SMARCA5: variants seen among roughly 807,000 people sequenced by gnomAD.
The protein encoded by SMARCA5 is SWI/SNF-related matrix-associated actin-dependent regulator of chromatin subfamily A member 5.
A neutral mutation model predicts 140.4 loss-of-function variants in SMARCA5; 18 were observed. The observed-to-expected ratio is 0.13, with a 90% CI of 0.09 to 0.19. SMARCA5 has a LOEUF of 0.19. Among genes scored for constraint, SMARCA5 ranks in the 10% least tolerant of loss-of-function variants. The pLI, the probability that SMARCA5 is intolerant of heterozygous loss-of-function variation, is 1.00. For missense variants in SMARCA5, 606 were observed against 1,276.8 expected, an observed-to-expected ratio of 0.47 and a Z score of 8.01; for synonymous variants, 449 against 419.6, an observed-to-expected ratio of 1.07 and a Z score of -0.86.
intron 23 of SMARCA5, among the ~76,000 whole-genome samples, chr4:143,550,580 T>G (rs901941564): frequency 6.6e-6 from 1 of 151,956 alleles, no homozygotes; most frequent in African/African-American, 2.4e-5. Context: ...AGCCCCACTT[T>G]CCCCCACCCC....
At chr4:143,539,867 A>G (rs1737394268) in intron 13 of SMARCA5, among the ~76,000 whole-genome samples, 2 of 152,164 alleles carry the variant, frequency 1.3e-5, no homozygotes, top group Admixed American at 6.5e-5. Flanking sequence ...TACTCTTACT[A>G]AGGGTGACAG....
In SMARCA5 at chr4:143,521,414, ATT is replaced by A. The variant is rs553049246; in HGVS notation, c.253-5_253-4del. 13 of 1,292,778 alleles carry A rather than the reference ATT, an allele frequency of 1.0e-5. No individual in the cohort carries two copies. The highest frequency in any genetic ancestry group is 4.2e-5 in the Admixed American group (2 of 47,108). 80.1% of individuals were successfully genotyped at this position (1,292,778 alleles called of 1,614,324 possible). On this transcript the variant is annotated splice_polypyrimidine_tract_variant and intron_variant, in intron 2 of 23. Coordinates refer to ENST00000283131, the MANE Select transcript of SMARCA5 (RefSeq NM_003601.4). Reference sequence around the variant, plus strand: ...GATACTCTGATAAAATGTATCTTAAATTTTTTTTTTTCAGCAAACTGACCGGG... The same window carrying A: ...GATACTCTGATAAAATGTATCTTAAATTTTTTTTTCAGCAAACTGACCGGG...
At chr4:143,550,150 C>A in intron 23 of SMARCA5, 46 bp downstream of exon 23, 1 of 1,132,698 alleles carries the variant, frequency 8.8e-7, no homozygotes. Flanking sequence ...GTAAATTTCC[C>A]CTTTCTAAGT....
At position 143,543,597 on chromosome 4, in the gene SMARCA5, A is replaced by G; in HGVS notation, c.1992A>G (p.Ser664=). The G allele has an allele frequency of 6.2e-7, 1 of 1,613,230 alleles. No individual in the cohort carries two copies. The highest frequency in any genetic ancestry group is 8.5e-7 in the Non-Finnish European group (1 of 1,179,390). Residue 664 remains serine, a synonymous_variant, in exon 15 of 24, where the codon TCA becomes TCG. Transcript: ENST00000283131. ...IRHGATHVFA[S]KESEITDEDI... Reference sequence around the variant, plus strand: ...ATGGAGCAACACATGTGTTTGCTTCAAAGGAAAGTGAGATCACTGATGAAG... The same window carrying G: ...ATGGAGCAACACATGTGTTTGCTTCGAAGGAAAGTGAGATCACTGATGAAG...
intron 23 of SMARCA5, among the ~76,000 whole-genome samples, chr4:143,551,294 A>T (rs920726540): frequency 6.6e-6 from 1 of 151,942 alleles, no homozygotes; most frequent in Non-Finnish European, 1.5e-5. Context: ...GAGCTCTTAC[A>T]TATTCTGGTT....
intron 9 of SMARCA5, among the ~76,000 whole-genome samples, chr4:143,533,934 T>C (rs1009018499): frequency 1.3e-5 from 2 of 152,198 alleles, no homozygotes; most frequent in Non-Finnish European, 2.9e-5. Context: ...CACATCTCAT[T>C]ACCCTTTGCA....
At chr4:143,548,201 T>C (rs967053337) in intron 22 of SMARCA5, 61 bp downstream of exon 22, 12 of 1,004,576 alleles carry the variant, frequency 1.2e-5, no homozygotes, top group Non-Finnish European at 1.2e-5. Context: ...TCATCTTTGG[T>C]ATTCTTTAAG....
chr4:143,547,668 G>T (rs1255920456), intron 21 of SMARCA5, among the ~76,000 whole-genome samples, 165 bp downstream of exon 21: 2 of 152,008 alleles, frequency 1.3e-5, no homozygotes, highest in East Asian at 3.9e-4. Flanking sequence ...CTATACACTA[G>T]ACTGATAGAT....
intron 11 of SMARCA5, among the ~76,000 whole-genome samples, chr4:143,537,137 G>A (rs1055130876): frequency 1.3e-5 from 2 of 152,148 alleles, no homozygotes; most frequent in Non-Finnish European, 2.9e-5. Context: ...TTATGAAAAT[G>A]GGTATGTCTG....
intron 13 of SMARCA5, among the ~76,000 whole-genome samples, chr4:143,539,600 A>T (rs970828265): frequency 6.7e-6 from 1 of 149,106 alleles, no homozygotes; most frequent in South Asian, 2.1e-4. Flanking sequence ...GCAATGGTGC[A>T]GTCTTGGCTC....
chr4:143,546,427 C>CT (rs920193679), intron 19 of SMARCA5, among the ~76,000 whole-genome samples: 10 of 152,060 alleles, frequency 6.6e-5, no homozygotes, highest in African/African-American at 2.4e-4. Flanking sequence ...TTTGACTTAC[C>CT]TTTAAAGCTT....
Position 143,530,148 on chromosome 4 carries a change from T to G in SMARCA5, c.1090-310T>G, listed in dbSNP as rs116567601. On this transcript the variant is annotated intron_variant, in intron 8 of 23. Coordinates refer to ENST00000283131, the MANE Select transcript of SMARCA5 (RefSeq NM_003601.4). Reference sequence around the variant, plus strand: ...AAATGTTTTAATTTTCAAGCTTTTATGAAACTTGAAAGATACTTTACAAGA... The same window carrying G: ...AAATGTTTTAATTTTCAAGCTTTTAGGAAACTTGAAAGATACTTTACAAGA... Among the ~76,000 whole-genome samples, 253 of 152,346 alleles carry G rather than the reference T, an allele frequency of 1.7e-3. 1 individual carries two copies. The highest frequency in any genetic ancestry group is 5.9e-3 in the African/African-American group (244 of 41,588).
intron 17 of SMARCA5, 65 bp downstream of exon 17, chr4:143,544,912 T>A: frequency 1.3e-6 from 1 of 791,840 alleles, no homozygotes; most frequent in Non-Finnish European, 2.1e-6. Context: ...TTTCATATAT[T>A]CTTGCAAAAA....
At chr4:143,541,344 T>A (rs1321822008) in intron 14 of SMARCA5, among the ~76,000 whole-genome samples, 1 of 152,210 alleles carries the variant, frequency 6.6e-6, no homozygotes, top group Non-Finnish European at 1.5e-5. Context: ...TGTTACATTG[T>A]TTACTGATTA....
chr4:143,542,545 T>C (rs1737449048), intron 14 of SMARCA5, among the ~76,000 whole-genome samples: 1 of 152,208 alleles, frequency 6.6e-6, no homozygotes, highest in Admixed American at 6.5e-5. Flanking sequence ...TTTGGCTGTA[T>C]ATCCTATTAT....
chr4:143,524,218 T>C, intron 3 of SMARCA5, 149 bp from the exon 4 acceptor site: 1 of 509,080 alleles, frequency 2.0e-6, no homozygotes, highest in Non-Finnish European at 3.6e-6. Flanking sequence ...GATTTAAATG[T>C]ACTCATATTT....
intron 10 of SMARCA5, 117 bp downstream of exon 10, chr4:143,535,081 C>A: frequency 2.9e-6 from 2 of 678,030 alleles, no homozygotes; most frequent in Non-Finnish European, 4.8e-6. Flanking sequence ...TGAACTCAAC[C>A]TGAAAAGAGT....
chr4:143,516,401 C>T (rs1736832807), intron 1 of SMARCA5, among the ~76,000 whole-genome samples: 1 of 151,994 alleles, frequency 6.6e-6, no homozygotes, highest in Non-Finnish European at 1.5e-5. Flanking sequence ...TAAATAGTCA[C>T]CTGTATACCA....
Position 143,550,091 on chromosome 4 carries a change from G to A in SMARCA5, c.3080G>A (p.Gly1027Glu). 1 of 1,568,126 alleles carries A rather than the reference G, an allele frequency of 6.4e-7. No individual in the cohort carries two copies. The highest frequency in any genetic ancestry group is 1.2e-5 in the South Asian group (1 of 84,708). ...GAGAAGGCAGAGAAAAAGAAACGAG[G>A]ACCAAAGCCTTCAGTAAGTATTCAT... ...EKEKAEKKKR[G>E]PKPSTQKRKM... The change falls in exon 23 of 24, where the codon GGA becomes GAA. Residue 1027 changes from glycine to glutamate, a missense_variant. By Grantham distance (98) the Gly-to-Glu change is moderately conservative. Around this residue, in one of 10 missense-constraint regions of SMARCA5, gnomAD observed 40 missense variants for 59.8 expected, o/e 0.67. Transcript: ENST00000283131.
Sources: gnomAD v4.1 joint callset for allele counts (sites outside exome capture counted in the v4.1 genomes callset) on GRCh38, gnomAD v4.1.1 for gene constraint, gnomAD v4.1.1 regional missense constraint, MANE v1.5 for transcripts, NCBI Gene and HGNC (gene_info 2026-07-23, HGNC 2026-07-21) for gene names.